SAE1: variants seen among roughly 807,000 people sequenced by gnomAD.
SAE1 encodes the protein SUMO1 activating enzyme subunit 1, also known as SUMO-activating enzyme subunit 1.
In SAE1, 11 loss-of-function variants were observed where a neutral mutation model predicts 40.6. That is an observed-to-expected ratio of 0.27 (90% CI 0.17 to 0.45). The LOEUF is 0.45. Among genes scored for constraint, SAE1 ranks in the 20% least tolerant of loss-of-function variants. SAE1 has a pLI of 1.00. For missense variants in SAE1, 373 were observed against 427.3 expected (o/e 0.87, Z 1.12); for synonymous variants, 155 against 154.3 (o/e 1.00, Z -0.03).
At chr19:47,166,736 G>A (rs765563567) in intron 5 of SAE1, among the ~76,000 whole-genome samples, 1 of 152,100 alleles carries the variant, frequency 6.6e-6, no homozygotes, top group Non-Finnish European at 1.5e-5. Flanking sequence ...ATGACTTGAT[G>A]TGTATTTTCA....
intron 5 of SAE1, 62 bp downstream of exon 5, chr19:47,155,275 C>G: frequency 8.7e-7 from 1 of 1,151,022 alleles, no homozygotes. Flanking sequence ...CAGGCAATGA[C>G]GATTGAAAAG....
chr19:47,131,746 G>C (rs1188024365), intron 1 of SAE1, among the ~76,000 whole-genome samples: 1 of 145,864 alleles, frequency 6.9e-6, no homozygotes, highest in African/African-American at 2.6e-5. Context: ...TGTCGCCCAG[G>C]CTGGAGGGCA....
intron 8 of SAE1, among the ~76,000 whole-genome samples, chr19:47,208,941 G>C (rs900264999): frequency 6.6e-6 from 1 of 152,128 alleles, no homozygotes; most frequent in Non-Finnish European, 1.5e-5. Context: ...GTAATGTTTG[G>C]AGAGGTTAAA....
At chr19:47,185,231 T>TG (rs1465145559) in intron 6 of SAE1, among the ~76,000 whole-genome samples, 4 of 152,224 alleles carry the variant, frequency 2.6e-5, no homozygotes, top group African/African-American at 9.6e-5. Context: ...TCTGTCAATA[T>TG]GTCTTTATAT....
chr19:47,179,061 G>T (rs927255915), intron 6 of SAE1, among the ~76,000 whole-genome samples: 33 of 151,734 alleles, frequency 2.2e-4, no homozygotes, highest in African/African-American at 7.7e-4. Flanking sequence ...GCGTGGTGGC[G>T]GGCGTCTGTA....
intron 7 of SAE1, among the ~76,000 whole-genome samples, chr19:47,199,625 T>A (rs1323343112): frequency 6.6e-6 from 1 of 152,040 alleles, no homozygotes; most frequent in Non-Finnish European, 1.5e-5. Flanking sequence ...AATGCCCAAG[T>A]AGTCACTTGG....
chr19:47,182,301 C>T (rs2058511404), intron 6 of SAE1, among the ~76,000 whole-genome samples: 1 of 152,018 alleles, frequency 6.6e-6, no homozygotes. Context: ...ATGACATTCC[C>T]CAGTGGGTTT....
At chr19:47,191,899 C>CAA (rs1289999899) in intron 6 of SAE1, among the ~76,000 whole-genome samples, 1 of 151,712 alleles carries the variant, frequency 6.6e-6, no homozygotes, top group African/African-American at 2.4e-5. Context: ...ACTAAAAATA[C>CAA]AAAAATTAGC....
intron 5 of SAE1, among the ~76,000 whole-genome samples, chr19:47,168,633 G>A (rs370183212): frequency 3.0e-4 from 45 of 151,852 alleles, no homozygotes; most frequent in African/African-American, 1.1e-3. Flanking sequence ...ACAGAGTTTC[G>A]CTCTTGTTGC....
At chr19:47,141,061 G>T (rs1445737619) in intron 1 of SAE1, among the ~76,000 whole-genome samples, 1 of 151,916 alleles carries the variant, frequency 6.6e-6, no homozygotes, top group African/African-American at 2.4e-5. Flanking sequence ...ACCCAGACTG[G>T]CATGATCTCC....
intron 1 of SAE1, among the ~76,000 whole-genome samples, chr19:47,133,585 A>C (rs542461760): frequency 3.0e-4 from 46 of 152,196 alleles, no homozygotes; most frequent in Non-Finnish European, 6.8e-4. Flanking sequence ...AATGGAAGTA[A>C]AGATTCTGGC....
rs1325652333 is a variant in SAE1 at position 47,210,236 on chromosome 19, G to C, written c.*985G>C. ...CTTCAGAAGCTTCTGAGAGGGAATG[G>C]GATGATCCTACCAGTTGCCTTTTCA... On this transcript the variant is annotated 3_prime_UTR_variant, in exon 9 of 9. Coordinates refer to ENST00000270225, the MANE Select transcript of SAE1 (RefSeq NM_005500.3). 3.3e-5 allele frequency: 5 copies of C among 152,088 alleles called. No homozygotes were observed. The highest frequency in any genetic ancestry group is 3.3e-4 in the Admixed American group (5 of 15,244). The allele number at this position is 152,088 out of a possible 1,614,324, so 9.4% of individuals were successfully genotyped here.
chr19:47,151,286 A>G (rs1310263680), intron 3 of SAE1, among the ~76,000 whole-genome samples: 1 of 148,660 alleles, frequency 6.7e-6, no homozygotes, highest in African/African-American at 2.5e-5. Flanking sequence ...AGTAGCTAGG[A>G]TTACAGGCAC....
chr19:47,143,665 T>G, intron 2 of SAE1, 60 bp downstream of exon 2: 1 of 1,303,046 alleles, frequency 7.7e-7, no homozygotes, highest in Non-Finnish European at 1.1e-6. Flanking sequence ...CATGAAGATC[T>G]GCAGATTTTG....
At chr19:47,189,180 T>C (rs2058563287) in intron 6 of SAE1, among the ~76,000 whole-genome samples, 1 of 152,178 alleles carries the variant, frequency 6.6e-6, no homozygotes, top group South Asian at 2.1e-4. Context: ...TACCATACTT[T>C]GCAATTTTTC....
chr19:47,180,091 A>G (rs1203903469), intron 6 of SAE1: 5 of 435,982 alleles, frequency 1.1e-5, no homozygotes, highest in Non-Finnish European at 9.3e-6. Flanking sequence ...ACGTAGATGT[A>G]GTAATAGATG....
chr19:47,150,640 C>T (rs2058282454), intron 3 of SAE1, among the ~76,000 whole-genome samples: 1 of 152,138 alleles, frequency 6.6e-6, no homozygotes, highest in South Asian at 2.1e-4. Context: ...GTTCCCTCAG[C>T]CAGGTTTCGT....
chr19:47,176,810 G>A (rs573987735), intron 6 of SAE1, among the ~76,000 whole-genome samples: 6 of 152,186 alleles, frequency 3.9e-5, no homozygotes, highest in Non-Finnish European at 7.3e-5. Context: ...AGTTGGCCTC[G>A]CCATCTGTGA....
intron 2 of SAE1, 128 bp from the exon 3 acceptor site, chr19:47,150,074 C>CAA (rs34440742): frequency 0.03 from 9,980 of 334,052 alleles, 5 homozygotes; most frequent in East Asian, 0.054. Context: ...AAGACTGTCT[C>CAA]AAAAAAAAAA....
Sources: allele counts gnomAD v4.1 joint callset (sites outside exome capture counted in the v4.1 genomes callset), GRCh38; gene constraint gnomAD v4.1.1; transcripts MANE v1.5; gene names NCBI Gene and HGNC (gene_info 2026-07-23, HGNC 2026-07-21).